COL22A1: variants seen among roughly 807,000 people sequenced by gnomAD.
COL22A1 encodes the protein collagen type XXII alpha 1 chain, also known as collagen alpha-1(XXII) chain.
COL22A1 carries 221 observed loss-of-function variants against 248.9 expected under a neutral mutation model. That is an observed-to-expected ratio of 0.89 (90% CI 0.80 to 0.99). The LOEUF is 0.99. COL22A1 is among the 50% of genes least tolerant of loss of function. COL22A1 has a pLI of 0.00. For missense variants in COL22A1, 2,240 were observed against 2,179.0 expected (o/e 1.03, Z -0.56); for synonymous variants, 891 against 793.4 (o/e 1.12, Z -2.07).
intron 41 of COL22A1, among the ~76,000 whole-genome samples, chr8:138,667,504 C>T (rs1824611834): frequency 6.6e-6 from 1 of 152,022 alleles, no homozygotes; most frequent in Non-Finnish European, 1.5e-5. Flanking sequence ...TGTTTATATC[C>T]CCGAGTTCAA....
At chr8:138,655,213 A>C (rs1003221235) in intron 45 of COL22A1, among the ~76,000 whole-genome samples, 1 of 152,236 alleles carries the variant, frequency 6.6e-6, no homozygotes, top group Non-Finnish European at 1.5e-5. Flanking sequence ...TAAGGGAGGC[A>C]CATTAAACAT....
intron 39 of COL22A1, among the ~76,000 whole-genome samples, chr8:138,680,095 G>A (rs1365623266): frequency 1.3e-5 from 2 of 152,084 alleles, no homozygotes; most frequent in Non-Finnish European, 2.9e-5. Flanking sequence ...TTAGAAAACG[G>A]CCCCAAGAAG....
chr8:138,626,336 G>T, intron 50 of COL22A1, 93 bp from the exon 51 acceptor site: 1 of 995,806 alleles, frequency 1.0e-6, no homozygotes, highest in Non-Finnish European at 1.6e-6. Flanking sequence ...ATGGGTTGGG[G>T]GAGTGAGTGT....
chr8:138,775,946 T>C lies in COL22A1; in HGVS notation c.1803+20A>G, dbSNP rs1814414165. 1 of 1,612,568 alleles carries C rather than the reference T, an allele frequency of 6.2e-7. No homozygotes were observed. The highest frequency in any genetic ancestry group is 8.5e-7 in the Non-Finnish European group (1 of 1,178,566). On this transcript the variant is annotated intron_variant, in intron 16 of 64. Transcript: ENST00000303045. ...TTCTATGGAAAGCCGTATTGATGAA[T>C]GAGTGCAGACTATAAATACCTTTTC...
chr8:138,805,353 G>A (rs920248765), intron 10 of COL22A1, among the ~76,000 whole-genome samples: 2 of 149,348 alleles, frequency 1.3e-5, no homozygotes, highest in African/African-American at 2.5e-5. Context: ...GTGTGGATGT[G>A]TGATGGTGTG....
chr8:138,694,342 C>G (rs749904824), intron 34 of COL22A1, among the ~76,000 whole-genome samples, 166 bp downstream of exon 34: 1 of 152,110 alleles, frequency 6.6e-6, no homozygotes, highest in Non-Finnish European at 1.5e-5. Context: ...GTGTCTGGGG[C>G]GTTTAGTGAG....
chr8:138,912,218 C>A (rs966650883), intron 1 of COL22A1, among the ~76,000 whole-genome samples: 1 of 152,238 alleles, frequency 6.6e-6, no homozygotes. Flanking sequence ...GAAGACAAGA[C>A]TAGCAGCAAA....
Position 138,832,002 on chromosome 8 carries a change from A to G in COL22A1, c.845+1037T>C, listed in dbSNP as rs183649464. On this transcript the variant is annotated intron_variant, in intron 5 of 64. Coordinates refer to ENST00000303045, the MANE Select transcript of COL22A1 (RefSeq NM_152888.3). Reference sequence around the variant, plus strand: ...TACAGGTCATAAAGACCTTGCTGATAAAACAGCTTGCAGTAAAGGAGCCGG... The same window carrying G: ...TACAGGTCATAAAGACCTTGCTGATGAAACAGCTTGCAGTAAAGGAGCCGG... Among the ~76,000 whole-genome samples, 657 of 152,254 alleles carry G rather than the reference A, an allele frequency of 4.3e-3. 17 individuals carry two copies. The highest frequency in any genetic ancestry group is 1.4e-3 in the Non-Finnish European group (94 of 68,020).
intron 22 of COL22A1, among the ~76,000 whole-genome samples, chr8:138,742,642 G>A (rs1176181680): frequency 6.6e-6 from 1 of 151,972 alleles, no homozygotes; most frequent in Non-Finnish European, 1.5e-5. Context: ...TTGTGATGGT[G>A]ATGGTGGAGT....
At chr8:138,674,790 C>T (rs1349497340) in intron 41 of COL22A1, among the ~76,000 whole-genome samples, 2 of 152,098 alleles carry the variant, frequency 1.3e-5, no homozygotes, top group Non-Finnish European at 2.9e-5. Context: ...TTTCTCTATG[C>T]TAAGGAGCGA....
At chr8:138,667,723 A>G (rs1824632270) in intron 41 of COL22A1, among the ~76,000 whole-genome samples, 1 of 152,226 alleles carries the variant, frequency 6.6e-6, no homozygotes, top group Non-Finnish European at 1.5e-5. Context: ...AGAAAGAATG[A>G]ATAGAACTAG....
intron 3 of COL22A1, among the ~76,000 whole-genome samples, chr8:138,874,515 T>C (rs2132026204): frequency 6.6e-6 from 1 of 152,314 alleles, no homozygotes; most frequent in African/African-American, 2.4e-5. Context: ...GTGATTGGTG[T>C]AGGGATGGTC....
chr8:138,749,978 G>C (rs2131334071), intron 22 of COL22A1, among the ~76,000 whole-genome samples: 1 of 152,322 alleles, frequency 6.6e-6, no homozygotes, highest in Non-Finnish European at 1.5e-5. Flanking sequence ...GAACCCGGTG[G>C]GAGGTGATTG....
chr8:138,636,719 T>C, intron 48 of COL22A1, 23 bp downstream of exon 48: 2 of 1,592,236 alleles, frequency 1.3e-6, no homozygotes, highest in Non-Finnish European at 1.7e-6. Flanking sequence ...GGGTGAATGG[T>C]TCCTTATAAA....
intron 1 of COL22A1, among the ~76,000 whole-genome samples, chr8:138,910,578 T>C (rs1454384059): frequency 6.6e-6 from 1 of 152,154 alleles, no homozygotes; most frequent in Non-Finnish European, 1.5e-5. Flanking sequence ...TCCTCGAGTT[T>C]GCAGTTATCT....
chr8:138,800,220 A>G (rs962360405), intron 11 of COL22A1, among the ~76,000 whole-genome samples: 1 of 152,094 alleles, frequency 6.6e-6, no homozygotes, highest in Admixed American at 6.6e-5. Context: ...CCACTGTATG[A>G]CTGAGCTTGG....
intron 1 of COL22A1, among the ~76,000 whole-genome samples, chr8:138,899,738 G>T (rs1325550697): frequency 6.6e-6 from 1 of 152,002 alleles, no homozygotes; most frequent in African/African-American, 2.4e-5. Flanking sequence ...TGGCCAGGCT[G>T]GTCTTAAACC....
In COL22A1 at chr8:138,744,100, G is replaced by A. The variant is rs146522237; in HGVS notation, c.2086-6523C>T. On this transcript the variant is annotated intron_variant, in intron 22 of 64. Coordinates refer to ENST00000303045, the MANE Select transcript of COL22A1 (RefSeq NM_152888.3). The stretch of plus-strand genomic sequence containing the variant: ...GTCCTGATATAAACCCTGGCTTCAT[G>A]CCATGAAATGAATCAAACAGTAGCC... Among the ~76,000 whole-genome samples the A allele has an allele frequency of 5.2e-3, 799 of 152,244 alleles. 4 individuals are homozygous for A. Among genetic ancestry groups the A allele is most frequent in the African/African-American group, 0.019 (772 of 41,542 alleles).
intron 52 of COL22A1, among the ~76,000 whole-genome samples, chr8:138,621,354 T>G (rs1442201942): frequency 6.6e-6 from 1 of 152,150 alleles, no homozygotes; most frequent in Non-Finnish European, 1.5e-5. Flanking sequence ...AGCCTGGAGT[T>G]ACCAGTTGCC....
Sources: allele counts gnomAD v4.1 joint callset (sites outside exome capture counted in the v4.1 genomes callset), GRCh38; gene constraint gnomAD v4.1.1; transcripts MANE v1.5; gene names NCBI Gene and HGNC (gene_info 2026-07-23, HGNC 2026-07-21).